The following FGF20 variants were observed in gnomAD, a reference collection of about 807,000 sequenced individuals.
FGF20 encodes fibroblast growth factor 20.
Under a neutral mutation model 16.7 loss-of-function variants are expected in FGF20, and 8 were observed. That is an observed-to-expected ratio of 0.48 (90% CI 0.28 to 0.87). The LOEUF (loss-of-function observed/expected upper bound fraction) is 0.87, where lower values mean the gene tolerates loss of function less well. Among genes scored for constraint, FGF20 ranks in the 40% least tolerant of loss-of-function variants. The pLI is 0.10. For missense variants in FGF20, 397 were observed against 281.4 expected (o/e 1.41, Z -2.94); for synonymous variants, 161 against 118.6 (o/e 1.36, Z -2.32).
intron 1 of FGF20, among the ~76,000 whole-genome samples, chr8:16,997,307 T>A (rs1474758718): frequency 1.3e-5 from 2 of 152,180 alleles, no homozygotes; most frequent in Non-Finnish European, 2.9e-5. Flanking sequence ...CCTTCCTCAA[T>A]AGCATTCTAC....
At chr8:17,000,291 G>T (rs1810151919) in intron 1 of FGF20, among the ~76,000 whole-genome samples, 1 of 152,116 alleles carries the variant, frequency 6.6e-6, no homozygotes, top group Non-Finnish European at 1.5e-5. Flanking sequence ...CAAACATGTG[G>T]GTTTTAAAAA....
In FGF20 at chr8:17,002,272, T is replaced by A. The variant is rs1325799152; in HGVS notation, c.-240A>T. 2 of 437,894 alleles carry A rather than the reference T, an allele frequency of 4.6e-6. No individual in the cohort carries two copies. The highest frequency in any genetic ancestry group is 4.2e-5 in the African/African-American group (2 of 47,778). The allele number at this position is 437,894 out of a possible 1,614,324, so 27.1% of individuals were successfully genotyped here. On this transcript the variant is annotated 5_prime_UTR_variant, in exon 1 of 3. Transcript: ENST00000180166. The stretch of plus-strand genomic sequence containing the variant: ...GCTGCTGGCTCTGCAGAAATATCTA[T>A]AGCTGCCGCTGCCAATACTAGGACT...
intron 2 of FGF20, among the ~76,000 whole-genome samples, chr8:16,993,827 G>A (rs1455480260): frequency 6.6e-6 from 1 of 152,198 alleles, no homozygotes; most frequent in South Asian, 2.1e-4. Context: ...CAGATCCCTC[G>A]CATGCACAGT....
In FGF20 at chr8:17,002,012, G is replaced by T; in HGVS notation, c.21C>A (p.Val7=). 1 of 1,537,526 alleles carries T rather than the reference G, an allele frequency of 6.5e-7. No individual in the cohort carries two copies. The highest frequency in any genetic ancestry group is 8.8e-7 in the Non-Finnish European group (1 of 1,142,570). MAPLAE[V]GGFLGGLEGL... ...CCTCCAGGCCGCCCAGAAAGCCCCCGACTTCGGCTAAGGGAGCCATGGAGG... is the reference window on the plus strand; with the variant it reads ...CCTCCAGGCCGCCCAGAAAGCCCCCTACTTCGGCTAAGGGAGCCATGGAGG... The change falls in exon 1 of 3, where the codon GTC becomes GTA. Residue 7 remains valine, a synonymous_variant. Coordinates refer to ENST00000180166, the MANE Select transcript of FGF20 (RefSeq NM_019851.3).
Position 17,001,907 on chromosome 8 carries a change from G to C in FGF20, c.126C>G (p.Ser42Arg), listed in dbSNP as rs917244560. 3 of 1,469,010 alleles carry C rather than the reference G, an allele frequency of 2.0e-6. No homozygotes were observed. The highest frequency in any genetic ancestry group is 1.8e-6 in the Non-Finnish European group (2 of 1,112,358). 91.0% of individuals were successfully genotyped at this position (1,469,010 alleles called of 1,614,324 possible). A position where few individuals can be genotyped will look rare whatever the true frequency, so the allele number is the denominator to read the frequency against. Residue 42 changes from serine to arginine, a missense_variant, in exon 1 of 3, where the codon AGC becomes AGG. Ser to Arg is a moderately radical substitution (Grantham distance 110). Transcript: ENST00000180166. The stretch of plus-strand genomic sequence containing the variant: ...CGCCGCGCGCGCTCCGCTCCGCCGC[G>C]CTCCTGCGCTCGCCCAGCAGCGGCG... ...ERPPLLGERRSAAERSARGGP... is the reference protein window; with the variant it reads ...ERPPLLGERRRAAERSARGGP...
intron 2 of FGF20, among the ~76,000 whole-genome samples, chr8:16,994,131 C>T (rs2150434087): frequency 6.6e-6 from 1 of 152,126 alleles, no homozygotes; most frequent in South Asian, 2.1e-4. Context: ...TTCTCATGTC[C>T]CATATCATCA....
chr8:16,997,948 C>T (rs975365319), intron 1 of FGF20, among the ~76,000 whole-genome samples: 1 of 151,702 alleles, frequency 6.6e-6, no homozygotes, highest in Non-Finnish European at 1.5e-5. Flanking sequence ...TGAAATGCAA[C>T]TTAATTCCCT....
intron 1 of FGF20, among the ~76,000 whole-genome samples, chr8:16,996,448 A>C (rs1162877852): frequency 6.6e-6 from 1 of 152,192 alleles, no homozygotes; most frequent in Admixed American, 6.5e-5. Context: ...AAATGGATGA[A>C]ATGCCTCCCT....
chr8:16,999,712 T>A, intron 1 of FGF20, among the ~76,000 whole-genome samples: 1 of 150,424 alleles, frequency 6.6e-6, no homozygotes, highest in Admixed American at 6.6e-5. Context: ...TTTGTATTTT[T>A]TGTATTTTTA....
Position 17,001,819 on chromosome 8 carries a change from G to A in FGF20, c.214C>T (p.Arg72Cys). The change falls in exon 1 of 3, where the codon CGC becomes TGC. Residue 72 changes from arginine (R) to cysteine (C), a missense_variant. By Grantham distance (180) the Arg-to-Cys change is radical. Coordinates refer to ENST00000180166, the MANE Select transcript of FGF20 (RefSeq NM_019851.3). Reference sequence around the variant, plus strand: ...AGGATCTGCAGGTGGAAGCCGGTGCGGCAATAGAGCTGCCGGCGGCGCAGG... The same window carrying A: ...AGGATCTGCAGGTGGAAGCCGGTGCAGCAATAGAGCTGCCGGCGGCGCAGG... ...GILRRRQLYC[R>C]TGFHLQILPD... 1 of 1,549,630 alleles carries A rather than the reference G, an allele frequency of 6.5e-7. No individual in the cohort carries two copies. The highest frequency in any genetic ancestry group is 8.7e-7 in the Non-Finnish European group (1 of 1,152,838).
At position 17,002,247 on chromosome 8, in the gene FGF20, G is replaced by A; in HGVS notation, c.-215C>T. On this transcript the variant is annotated 5_prime_UTR_variant, in exon 1 of 3. Coordinates refer to ENST00000180166, the MANE Select transcript of FGF20 (RefSeq NM_019851.3). The stretch of plus-strand genomic sequence containing the variant: ...TCTCTCCTTGGGTAGGTGGGAGCCG[G>A]CTGCTGGCTCTGCAGAAATATCTAT... 2 of 479,228 alleles carry A rather than the reference G, an allele frequency of 4.2e-6. No individual in the cohort carries two copies. Among genetic ancestry groups the A allele is most frequent in the East Asian group, 7.7e-5 (2 of 25,972 alleles). The allele number at this position is 479,228 out of a possible 1,614,324, so 29.7% of individuals were successfully genotyped here.
intron 1 of FGF20, among the ~76,000 whole-genome samples, chr8:16,996,986 G>A (rs1168988211): frequency 2.6e-5 from 4 of 152,118 alleles, no homozygotes; most frequent in Non-Finnish European, 5.9e-5. Context: ...AAATTAAATT[G>A]TATAGTTCAG....
chr8:16,999,858 A>G (rs574152015), intron 1 of FGF20, among the ~76,000 whole-genome samples: 1 of 152,092 alleles, frequency 6.6e-6, no homozygotes, highest in East Asian at 1.9e-4. Flanking sequence ...TTAAAAGTAG[A>G]ATTTCCAAGG....
chr8:17,000,378 C>A (rs939276719), intron 1 of FGF20, among the ~76,000 whole-genome samples: 6 of 151,978 alleles, frequency 3.9e-5, no homozygotes, highest in Admixed American at 2.6e-4. Context: ...ACAAATGCCC[C>A]CTTAAACTGA....
chr8:16,995,727 T>C lies in FGF20; in HGVS notation c.318A>G (p.Gly106=), dbSNP rs77424748. The C allele has an allele frequency of 1.9e-6, 3 of 1,606,618 alleles. No individual in the cohort carries two copies. Among genetic ancestry groups the C allele is most frequent in the Non-Finnish European group, 2.6e-6 (3 of 1,174,500 alleles). The change falls in exon 2 of 3, where the codon GGA becomes GGG. Residue 106 remains glycine (G), a synonymous_variant. Coordinates refer to ENST00000180166, the MANE Select transcript of FGF20 (RefSeq NM_019851.3). ...TGTCCACACCTCTAATACTGACCAG[T>C]CCCACTGCCACACTGATGAATTCCA... ...GILEFISVAV[G]LVSIRGVDSG... is the part of the protein sequence containing the mutation.
chr8:17,000,458 G>A (rs1438499301), intron 1 of FGF20, among the ~76,000 whole-genome samples: 1 of 132,918 alleles, frequency 7.5e-6, no homozygotes, highest in African/African-American at 2.5e-5. Flanking sequence ...GAACAAGGGG[G>A]TAAGGACACG....
chr8:16,996,324 G>A (rs909457956), intron 1 of FGF20, among the ~76,000 whole-genome samples: 1 of 152,134 alleles, frequency 6.6e-6, no homozygotes, highest in African/African-American at 2.4e-5. Flanking sequence ...AATGTGAAAG[G>A]TGTGAAACCT....
chr8:16,993,126 T>A lies in FGF20; in HGVS notation c.582A>T (p.Pro194=). The change falls in exon 3 of 3, where the codon CCA becomes CCT. Residue 194 remains proline, a synonymous_variant. Transcript: ENST00000180166. ...HQKFTHFLPR[P]VDPERVPELY... Reference sequence around the variant, plus strand: ...ATTCTGGAACTCTTTCTGGATCCACTGGTCTAGGTAAGAAATGTGTAAATT... The same window carrying A: ...ATTCTGGAACTCTTTCTGGATCCACAGGTCTAGGTAAGAAATGTGTAAATT... The A allele has an allele frequency of 6.2e-7, 1 of 1,614,128 alleles. No homozygotes were observed.
rs777667380 is a variant in FGF20, at chr8:16,993,165, G to T, written c.543C>A (p.Ser181=). 11 of 1,613,946 alleles carry T rather than the reference G, an allele frequency of 6.8e-6. No individual in the cohort carries two copies. The South Asian group carries it at 1.1e-4, about 16-fold the overall frequency. The change falls in exon 3 of 3, where the codon TCC becomes TCA. Residue 181 remains serine (S), a synonymous_variant. Coordinates refer to ENST00000180166, the MANE Select transcript of FGF20 (RefSeq NM_019851.3). The part of the protein sequence containing the change: ...KDGTPRDGAR[S]KRHQKFTHFL... ...AATGTGTAAATTTCTGATGCCTCTT[G>T]GACCTGGCGCCATCTCTTGGAGTTC...
Sources: gnomAD v4.1 joint callset for allele counts (sites outside exome capture counted in the v4.1 genomes callset) on GRCh38, gnomAD v4.1.1 for gene constraint, MANE v1.5 for transcripts, NCBI Gene and HGNC (gene_info 2026-07-23, HGNC 2026-07-21) for gene names.